Variants in STXBP5L observed in about 807,000 individuals in gnomAD.
The protein encoded by STXBP5L is syntaxin-binding protein 5-like.
STXBP5L carries 65 observed loss-of-function variants against 144.5 expected under a neutral mutation model. The ratio of observed to expected loss-of-function variants is 0.45; its 90% CI spans 0.37 to 0.55. The LOEUF (loss-of-function observed/expected upper bound fraction) is 0.55, where lower values mean the gene tolerates loss of function less well. Ranked by LOEUF, STXBP5L falls within the 20% of genes least tolerant of loss-of-function variation. The pLI is 0.00. For missense variants in STXBP5L, 1,298 were observed against 1,405.5 expected (o/e 0.92, Z 1.22); for synonymous variants, 505 against 469.6 (o/e 1.08, Z -0.97).
At chr3:120,978,232 C>G (rs1024072014) in intron 3 of STXBP5L, among the ~76,000 whole-genome samples, 1 of 152,192 alleles carries the variant, frequency 6.6e-6, no homozygotes, top group East Asian at 1.9e-4. Context: ...TTCTTGGAGG[C>G]TTTGTTCGTT....
intron 5 of STXBP5L, among the ~76,000 whole-genome samples, chr3:121,076,532 G>C (rs2042025909): frequency 6.6e-6 from 1 of 152,078 alleles, no homozygotes; most frequent in South Asian, 2.1e-4. Flanking sequence ...CAGCCACTCA[G>C]GGCAGGTCTG....
intron 5 of STXBP5L, among the ~76,000 whole-genome samples, chr3:121,094,413 C>G (rs1419433988): frequency 2.0e-5 from 3 of 152,018 alleles, no homozygotes; most frequent in Non-Finnish European, 4.4e-5. Flanking sequence ...GTCTAAGTCT[C>G]TTTATAGGTC....
intron 3 of STXBP5L, among the ~76,000 whole-genome samples, chr3:120,971,638 TACACACAC>T (rs10576644): frequency 1.2e-4 from 18 of 146,388 alleles, no homozygotes; most frequent in South Asian, 6.5e-4. Flanking sequence ...CATGCATACA[TACACACAC>T]ACACACACAC....
intron 14 of STXBP5L, among the ~76,000 whole-genome samples, chr3:121,244,974 G>A (rs532101282): frequency 6.6e-5 from 10 of 152,098 alleles, no homozygotes; most frequent in East Asian, 1.9e-4. Context: ...CAACACCACC[G>A]AAGCATACAA....
intron 5 of STXBP5L, among the ~76,000 whole-genome samples, chr3:121,055,046 G>T (rs1441791420): frequency 6.6e-6 from 1 of 152,102 alleles, no homozygotes. Flanking sequence ...AGATTAATTG[G>T]TAGAAACATA....
intron 22 of STXBP5L, among the ~76,000 whole-genome samples, chr3:121,404,570 G>T (rs939452239): frequency 1.3e-5 from 2 of 152,020 alleles, no homozygotes; most frequent in Admixed American, 6.6e-5. Context: ...ACATGATGTG[G>T]CTCTACTTTA....
intron 5 of STXBP5L, among the ~76,000 whole-genome samples, chr3:121,097,206 AT>A (rs917551999): frequency 1.3e-5 from 2 of 152,090 alleles, no homozygotes; most frequent in African/African-American, 4.8e-5. Flanking sequence ...TCCCAGGTTG[AT>A]CTCTGACTGC....
intron 20 of STXBP5L, among the ~76,000 whole-genome samples, chr3:121,369,353 TA>T (rs373840865): frequency 0.016 from 2,401 of 147,668 alleles, 31 homozygotes; most frequent in Middle Eastern, 0.067. Context: ...TTTTTTTTTT[TA>T]ATGGTTTCTA....
intron 19 of STXBP5L, among the ~76,000 whole-genome samples, chr3:121,312,875 C>T (rs1401653902): frequency 3.9e-5 from 6 of 152,134 alleles, no homozygotes; most frequent in Admixed American, 1.3e-4. Context: ...CACACAGACC[C>T]GGTAAACATC....
At chr3:120,977,597 C>G (rs2638580) in intron 3 of STXBP5L, among the ~76,000 whole-genome samples, 32,373 of 151,930 alleles carry the variant, frequency 0.21, 3,667 homozygotes, top group Non-Finnish European at 0.26. Flanking sequence ...ATGATGTTAG[C>G]TGGTTATTTT....
At chr3:121,093,989 T>G (rs1157906154) in intron 5 of STXBP5L, among the ~76,000 whole-genome samples, 4 of 152,202 alleles carry the variant, frequency 2.6e-5, no homozygotes, top group African/African-American at 4.8e-5. Flanking sequence ...TCTCGTTGGT[T>G]TCAAAGAACA....
chr3:121,097,763 A>G (rs1363412316), intron 5 of STXBP5L, among the ~76,000 whole-genome samples: 4 of 152,082 alleles, frequency 2.6e-5, no homozygotes, highest in Non-Finnish European at 4.4e-5. Context: ...CTATTCGGCC[A>G]TTTTGCCAGC....
intron 3 of STXBP5L, among the ~76,000 whole-genome samples, chr3:121,009,454 G>T (rs566767231): frequency 7.3e-4 from 111 of 152,094 alleles, no homozygotes; most frequent in South Asian, 5.2e-3. Context: ...GTACTGCTTG[G>T]ATCCTTGCTC....
chr3:121,356,524 GC>G (rs1332567789), intron 20 of STXBP5L, among the ~76,000 whole-genome samples: 1 of 152,236 alleles, frequency 6.6e-6, no homozygotes, highest in African/African-American at 2.4e-5. Context: ...CTCCTTGTCT[GC>G]CCATTGCTAA....
At chr3:121,322,292 A>G (rs1314141852) in intron 20 of STXBP5L, among the ~76,000 whole-genome samples, 2 of 152,166 alleles carry the variant, frequency 1.3e-5, no homozygotes, top group African/African-American at 4.8e-5. Flanking sequence ...CAGCCTAACC[A>G]ACATGGAGAA....
chr3:121,346,297 T>C (rs542165608), intron 20 of STXBP5L, among the ~76,000 whole-genome samples: 24 of 152,080 alleles, frequency 1.6e-4, no homozygotes, highest in East Asian at 3.9e-4. Context: ...ATTTTTATGG[T>C]TGCATAGTAT....
At chr3:121,408,798 C>T (rs897427728) in intron 23 of STXBP5L, among the ~76,000 whole-genome samples, 13 of 151,666 alleles carry the variant, frequency 8.6e-5, no homozygotes, top group Non-Finnish European at 4.4e-5. Flanking sequence ...TTGAAGGCAA[C>T]GAGGAAACAG....
At chr3:120,992,594 C>T (rs1278628631) in intron 3 of STXBP5L, among the ~76,000 whole-genome samples, 1 of 152,016 alleles carries the variant, frequency 6.6e-6, no homozygotes, top group Non-Finnish European at 1.5e-5. Context: ...ACATGATGGA[C>T]GTGCAGTTCT....
chr3:121,137,357 C>T (rs896704699), intron 7 of STXBP5L, among the ~76,000 whole-genome samples: 5 of 152,032 alleles, frequency 3.3e-5, no homozygotes, highest in African/African-American at 1.2e-4. Context: ...AAAAAAGTTA[C>T]ATCTGATACC....
Sources: gnomAD v4.1 joint callset for allele counts (sites outside exome capture counted in the v4.1 genomes callset) on GRCh38, gnomAD v4.1.1 for gene constraint, MANE v1.5 for transcripts, NCBI Gene and HGNC (gene_info 2026-07-23, HGNC 2026-07-21) for gene names.